Variants in KIF5B observed in about 807,000 individuals in gnomAD.
KIF5B encodes kinesin family member 5B, also known as kinesin-1 heavy chain.
A neutral mutation model predicts 132.8 loss-of-function variants in KIF5B; 49 were observed. That is an observed-to-expected ratio of 0.37 (90% CI 0.29 to 0.47). KIF5B has a LOEUF of 0.47. Ranked by LOEUF, KIF5B falls within the 20% of genes least tolerant of loss-of-function variation. The pLI is 1.00. For missense variants in KIF5B, 780 were observed against 1,144.0 expected, an observed-to-expected ratio of 0.68 and a Z score of 4.59; for synonymous variants, 355 against 369.4, an observed-to-expected ratio of 0.96 and a Z score of 0.45.
intron 2 of KIF5B, among the ~76,000 whole-genome samples, chr10:32,047,097 C>A (rs1841621422): frequency 6.6e-6 from 1 of 152,134 alleles, no homozygotes; most frequent in African/African-American, 2.4e-5. Context: ...AGAAATATTT[C>A]TATTGAATAT....
intron 1 of KIF5B, among the ~76,000 whole-genome samples, chr10:32,050,010 G>C (rs80198126): frequency 0.027 from 4,131 of 151,986 alleles, 87 homozygotes; most frequent in Non-Finnish European, 0.039. Context: ...AGAAAGAGTA[G>C]GTATCCAAAA....
chr10:32,034,796 T>A lies in KIF5B; in HGVS notation c.1005A>T (p.Leu335Phe). 1 of 1,606,156 alleles carries A rather than the reference T, an allele frequency of 6.2e-7. No individual in the cohort carries two copies. ...ACTTCTTTTTCCACTGTTCTGCAGTTAACTCCACATTGACACAAACTGTGT... is the reference window on the plus strand; with the variant it reads ...ACTTCTTTTTCCACTGTTCTGCAGTAAACTCCACATTGACACAAACTGTGT... ...IKNTVCVNVELTAEQWKKKYE... is the reference protein window; with the variant it reads ...IKNTVCVNVEFTAEQWKKKYE... The change falls in exon 11 of 26, where the codon TTA becomes TTT. Residue 335 changes from leucine (L) to phenylalanine (F), a missense_variant. Leu to Phe is a conservative substitution (Grantham distance 22). Transcript: ENST00000302418.
chr10:32,024,769 TAAAAC>T (rs946159934), intron 15 of KIF5B, among the ~76,000 whole-genome samples: 10 of 129,504 alleles, frequency 7.7e-5, no homozygotes, highest in Non-Finnish European at 1.0e-4. Context: ...CATCTCAAAA[TAAAAC>T]AAAACAAAAC....
intron 2 of KIF5B, among the ~76,000 whole-genome samples, chr10:32,045,286 G>T (rs1216668447): frequency 1.3e-5 from 2 of 151,866 alleles, no homozygotes; most frequent in East Asian, 1.9e-4. Context: ...GCCCTAAAAA[G>T]AACTTTTAAA....
At chr10:32,021,505 GTTT>G (rs58363319) in intron 17 of KIF5B, among the ~76,000 whole-genome samples, 1 of 140,646 alleles carries the variant, frequency 7.1e-6, no homozygotes, top group African/African-American at 2.6e-5. Flanking sequence ...GGTTTGTTTG[GTTT>G]TTTTTTTTTT....
intron 15 of KIF5B, among the ~76,000 whole-genome samples, chr10:32,024,146 CTTTTTTT>C (rs769483155): frequency 1.6e-4 from 11 of 69,748 alleles, no homozygotes; most frequent in Admixed American, 4.2e-4. Context: ...ATGAAGAACT[CTTTTTTT>C]TTTTTTTTTT....
intron 1 of KIF5B, among the ~76,000 whole-genome samples, chr10:32,050,741 CAT>C (rs1841682607): frequency 6.6e-6 from 1 of 152,232 alleles, no homozygotes; most frequent in Non-Finnish European, 1.5e-5. Flanking sequence ...TTAGTTGTGA[CAT>C]ATGTGAACGT....
intron 15 of KIF5B, among the ~76,000 whole-genome samples, chr10:32,027,795 G>A (rs948169716): frequency 6.6e-6 from 1 of 151,888 alleles, no homozygotes; most frequent in African/African-American, 2.4e-5. Context: ...TAGGGACAAG[G>A]TCTTGCCACG....
rs757194853 is a variant in KIF5B, at chr10:32,021,102, A to G, written c.2124T>C (p.His708=). The G allele has an allele frequency of 5.6e-6, 9 of 1,613,768 alleles. No individual in the cohort carries two copies. The highest frequency in any genetic ancestry group is 3.4e-6 in the Non-Finnish European group (4 of 1,179,902). Reference sequence around the variant, plus strand: ...TGATCTGTTTTTGATGAGTTTCTCTATGGCTCTGGATCTGCTGTTCAACAG... The same window carrying G: ...TGATCTGTTTTTGATGAGTTTCTCTGTGGCTCTGGATCTGCTGTTCAACAG... The part of the protein sequence containing the change: ...KQAVEQQIQS[H]RETHQKQISS... Residue 708 remains histidine (H), a synonymous_variant, in exon 19 of 26, where the codon CAT becomes CAC. Coordinates refer to ENST00000302418, the MANE Select transcript of KIF5B (RefSeq NM_004521.3).
chr10:32,015,700 A>C, intron 24 of KIF5B, 41 bp from the exon 25 acceptor site: 1 of 1,530,144 alleles, frequency 6.5e-7, no homozygotes, highest in South Asian at 1.2e-5. Flanking sequence ...ATAAAGTTTA[A>C]GATGTGACTG....
chr10:32,040,624 AAAACAC>A (rs1460030460), intron 2 of KIF5B, among the ~76,000 whole-genome samples, 167 bp from the exon 3 acceptor site: 1 of 36,268 alleles, frequency 2.8e-5, no homozygotes, highest in African/African-American at 8.2e-5. Flanking sequence ...AAAACACCCT[AAAACAC>A]ACACACACAC....
Position 32,028,564 on chromosome 10 carries a change from A to G in KIF5B, c.1589T>C (p.Leu530Ser). Reference sequence around the variant, plus strand: ...CTGAAGCTCAGCATCTATACTCGCTAAAGTTGCCTAAGAGAACCCAAAACA... The same window carrying G: ...CTGAAGCTCAGCATCTATACTCGCTGAAGTTGCCTAAGAGAACCCAAAACA... Reference protein sequence around the residue: ...SDELNQKSATLASIDAELQKL... With the variant: ...SDELNQKSATSASIDAELQKL... The change falls in exon 15 of 26, where the codon TTA (leucine) becomes TCA (serine). Residue 530 changes from leucine to serine, a missense_variant. Around this residue, in one of 9 missense-constraint regions of KIF5B, gnomAD observed 471 missense variants for 569.9 expected, o/e 0.83. Coordinates refer to ENST00000302418, the MANE Select transcript of KIF5B (RefSeq NM_004521.3). 1 of 1,609,318 alleles carries G rather than the reference A, an allele frequency of 6.2e-7. No individual in the cohort carries two copies. The highest frequency in any genetic ancestry group is 1.1e-5 in the South Asian group (1 of 89,994).
chr10:32,039,481 G>A, intron 3 of KIF5B, 50 bp from the exon 4 acceptor site: 2 of 839,806 alleles, frequency 2.4e-6, no homozygotes. Flanking sequence ...AAAATATGAA[G>A]TAAAAACAAA....
At chr10:32,026,780 G>T (rs7089233) in intron 15 of KIF5B, among the ~76,000 whole-genome samples, 15,111 of 152,028 alleles carry the variant, frequency 0.099, 843 homozygotes, top group Middle Eastern at 0.14. Context: ...CATCTCTCTG[G>T]TGTTCTGCGA....
At chr10:32,055,813 A>C in intron 1 of KIF5B, 35 bp downstream of exon 1, 1 of 1,605,582 alleles carries the variant, frequency 6.2e-7, no homozygotes, top group Non-Finnish European at 8.5e-7. Flanking sequence ...CGGCCCGAAG[A>C]AGCGGGAGGA....
rs536202656 is a variant in KIF5B at position 32,055,596 on chromosome 10, G to C, written c.126+252C>G. 3.3e-5 allele frequency among the ~76,000 whole-genome samples: 5 copies of C among 152,286 alleles called. No homozygotes were observed. In the South Asian group the frequency reaches 6.2e-4, roughly 19 times the overall value. The stretch of plus-strand genomic sequence containing the variant: ...CGGACGTTCCTCCATTGCCCCAGGT[G>C]GGGGAGTGTCCAGGGCTGAGGCTGG... On this transcript the variant is annotated intron_variant, in intron 1 of 25. Coordinates refer to ENST00000302418, the MANE Select transcript of KIF5B (RefSeq NM_004521.3).
At chr10:32,037,431 A>G in intron 7 of KIF5B, 53 bp from the exon 8 acceptor site, 1 of 1,602,074 alleles carries the variant, frequency 6.2e-7, no homozygotes, top group Non-Finnish European at 8.5e-7. Flanking sequence ...CCCCTTAACA[A>G]TTTCCCTGAA....
intron 15 of KIF5B, among the ~76,000 whole-genome samples, chr10:32,025,285 T>G (rs536952146): frequency 6.6e-6 from 1 of 152,222 alleles, no homozygotes; most frequent in African/African-American, 2.4e-5. Flanking sequence ...CTTACAAAGC[T>G]AACATAGTCA....
In KIF5B at chr10:32,036,073, T is replaced by C. The variant is rs1841456843; in HGVS notation, c.712-79A>G. On this transcript the variant is annotated intron_variant, in intron 8 of 25. Coordinates refer to ENST00000302418, the MANE Select transcript of KIF5B (RefSeq NM_004521.3). ...TTACATTTTCTAAAATGTTCATATG[T>C]CATCAATAACCAGTAAAAAAGAAAA... 3 of 902,438 alleles carry C rather than the reference T, an allele frequency of 3.3e-6. No homozygotes were observed. The Admixed American group carries it at 8.4e-5, about 25-fold the overall frequency. The allele number at this position is 902,438 out of a possible 1,614,324, so 55.9% of individuals were successfully genotyped here.
Sources: allele counts gnomAD v4.1 joint callset (sites outside exome capture counted in the v4.1 genomes callset), GRCh38; gene constraint gnomAD v4.1.1; regional missense constraint gnomAD v4.1.1; transcripts MANE v1.5; gene names NCBI Gene and HGNC (gene_info 2026-07-23, HGNC 2026-07-21).